Variants in SHC4 observed in about 807,000 individuals in gnomAD.
SHC4 encodes SHC adaptor protein 4, also known as SHC-transforming protein 4.
Under a neutral mutation model 69.4 loss-of-function variants are expected in SHC4, and 41 were observed. The ratio of observed to expected loss-of-function variants is 0.59; its 90% CI spans 0.46 to 0.77. The LOEUF is 0.77. Among genes scored for constraint, SHC4 ranks in the 30% least tolerant of loss-of-function variants. The pLI, the probability that SHC4 is intolerant of heterozygous loss-of-function variation, is 0.00. For synonymous variants in SHC4, 318 were observed against 299.3 expected (o/e 1.06, Z -0.64); for missense variants, 777 against 783.8 (o/e 0.99, Z 0.10).
At chr15:48,856,396 C>G (rs1177669890) in intron 7 of SHC4, among the ~76,000 whole-genome samples, 1 of 152,004 alleles carries the variant, frequency 6.6e-6, no homozygotes, top group East Asian at 1.9e-4. Context: ...ATGATAATAA[C>G]AATATATGAA....
chr15:48,840,265 T>C (rs555390981), intron 10 of SHC4, among the ~76,000 whole-genome samples: 9 of 152,286 alleles, frequency 5.9e-5, no homozygotes, highest in African/African-American at 1.7e-4. Flanking sequence ...CAGTATTTGT[T>C]ATGGCAACTG....
intron 6 of SHC4, among the ~76,000 whole-genome samples, chr15:48,863,539 A>G (rs1351433312): frequency 6.6e-6 from 1 of 152,208 alleles, no homozygotes; most frequent in Non-Finnish European, 1.5e-5. Context: ...TAATCTTTGT[A>G]CGTATCCTAA....
At chr15:48,901,737 A>G (rs1454728542) in intron 2 of SHC4, among the ~76,000 whole-genome samples, 1 of 152,244 alleles carries the variant, frequency 6.6e-6, no homozygotes, top group Admixed American at 6.5e-5. Flanking sequence ...GCCAGAGTTC[A>G]AAATCTAGCT....
rs763159220 is a variant in SHC4, at chr15:48,962,721, C to T, written c.295G>A (p.Ala99Thr). ...RMASMKLANPATLLSLKNFCL... is the reference protein window; with the variant it reads ...RMASMKLANPTTLLSLKNFCL... The stretch of plus-strand genomic sequence containing the variant: ...AAGTTTTTCAGACTCAGCAAAGTGG[C>T]CGGGTTGGCCAGCTTCATGCTTGCC... The change falls in exon 1 of 12, where the codon GCC becomes ACC. Residue 99 changes from alanine (A) to threonine (T), a missense_variant. Transcript: ENST00000332408. 1.2e-6 allele frequency: 2 copies of T among 1,613,962 alleles called. No homozygotes were observed. The highest frequency in any genetic ancestry group is 1.3e-5 in the African/African-American group (1 of 75,054).
intron 2 of SHC4, among the ~76,000 whole-genome samples, chr15:48,909,802 A>G (rs1900474550): frequency 6.6e-6 from 1 of 152,194 alleles, no homozygotes; most frequent in Non-Finnish European, 1.5e-5. Flanking sequence ...TTCTGCATCT[A>G]TTGAAATGAT....
chr15:48,827,798 C>T (rs1353770097), intron 11 of SHC4, among the ~76,000 whole-genome samples: 1 of 152,080 alleles, frequency 6.6e-6, no homozygotes, highest in East Asian at 1.9e-4. Flanking sequence ...AGGAGAGTTC[C>T]TATAAAACTC....
At chr15:48,949,997 TTAA>T (rs1036534658) in intron 1 of SHC4, among the ~76,000 whole-genome samples, 5 of 141,940 alleles carry the variant, frequency 3.5e-5, no homozygotes, top group African/African-American at 5.1e-5. Flanking sequence ...AAATAATATA[TTAA>T]TATTATTAAA....
At chr15:48,908,107 G>T (rs987848652) in intron 2 of SHC4, among the ~76,000 whole-genome samples, 1 of 152,134 alleles carries the variant, frequency 6.6e-6, no homozygotes, top group South Asian at 2.1e-4. Flanking sequence ...TCTACTTTTA[G>T]TTCTTTAAGG....
At chr15:48,846,555 TTCCCTC>T (rs1401297290) in intron 9 of SHC4, among the ~76,000 whole-genome samples, 1 of 152,196 alleles carries the variant, frequency 6.6e-6, no homozygotes, top group Admixed American at 6.5e-5. Flanking sequence ...CCCTGAATCC[TTCCCTC>T]CCTAAGGTTG....
chr15:48,957,028 A>G (rs1480799213), intron 1 of SHC4, among the ~76,000 whole-genome samples: 1 of 124,468 alleles, frequency 8.0e-6, no homozygotes. Context: ...CCCAGGCTGC[A>G]GTGTAGTGGC....
chr15:48,898,028 CCTT>C (rs2141010087), intron 2 of SHC4, among the ~76,000 whole-genome samples: 1 of 152,264 alleles, frequency 6.6e-6, no homozygotes, highest in Admixed American at 6.5e-5. Context: ...TCTTGGATTG[CCTT>C]CTTATTATGA....
chr15:48,882,205 T>G lies in SHC4; in HGVS notation c.840+2043A>C, dbSNP rs530815579. On this transcript the variant is annotated intron_variant, in intron 4 of 11. Transcript: ENST00000332408. ...TGCCTTTCTCATGGGAAATAAAGCT[T>G]CTTGAGTTGAGGCCTCTACAGTGGC... Among the ~76,000 whole-genome samples, 42 of 152,292 alleles carry G rather than the reference T, an allele frequency of 2.8e-4. No homozygotes were observed. In the South Asian group the frequency reaches 8.3e-3, roughly 30 times the overall value.
At chr15:48,961,417 T>G (rs1252756559) in intron 1 of SHC4, among the ~76,000 whole-genome samples, 1 of 152,122 alleles carries the variant, frequency 6.6e-6, no homozygotes, top group Non-Finnish European at 1.5e-5. Context: ...CCTCCCTCAG[T>G]CACCCACTAT....
At chr15:48,901,269 C>T (rs888147538) in intron 2 of SHC4, among the ~76,000 whole-genome samples, 1 of 152,126 alleles carries the variant, frequency 6.6e-6, no homozygotes, top group Non-Finnish European at 1.5e-5. Context: ...ATGTAAGAGG[C>T]TTTGGGGTCG....
At chr15:48,956,095 A>G (rs1006652841) in intron 1 of SHC4, among the ~76,000 whole-genome samples, 2 of 152,226 alleles carry the variant, frequency 1.3e-5, no homozygotes, top group Admixed American at 1.3e-4. Context: ...GCTTTCTCTA[A>G]GTTCCAGCAG....
At chr15:48,888,882 C>CAAAAA (rs36036782) in intron 3 of SHC4, among the ~76,000 whole-genome samples, 1 of 89,104 alleles carries the variant, frequency 1.1e-5, no homozygotes, top group East Asian at 2.8e-4. Flanking sequence ...GTGAAACTGT[C>CAAAAA]AAAAAAAAAA....
intron 2 of SHC4, among the ~76,000 whole-genome samples, chr15:48,915,960 T>C (rs184058274): frequency 1.3e-5 from 2 of 152,268 alleles, no homozygotes; most frequent in African/African-American, 4.8e-5. Flanking sequence ...GTGGCTGCAA[T>C]CCTATTCCTA....
intron 1 of SHC4, among the ~76,000 whole-genome samples, chr15:48,953,668 A>G (rs1245241866): frequency 6.6e-6 from 1 of 152,202 alleles, no homozygotes; most frequent in East Asian, 1.9e-4. Flanking sequence ...TTATGTTCCT[A>G]TATTTCCAAA....
chr15:48,949,993 T>G (rs1026787777), intron 1 of SHC4, among the ~76,000 whole-genome samples: 12 of 142,224 alleles, frequency 8.4e-5, no homozygotes, highest in Admixed American at 4.3e-4. Context: ...TATAAAATAA[T>G]ATATTAATAT....
Sources: gnomAD v4.1 joint callset for allele counts (sites outside exome capture counted in the v4.1 genomes callset) on GRCh38, gnomAD v4.1.1 for gene constraint, MANE v1.5 for transcripts, NCBI Gene and HGNC (gene_info 2026-07-23, HGNC 2026-07-21) for gene names.